FXYD3: variants seen among roughly 807,000 people sequenced by gnomAD.
The protein encoded by FXYD3 is FXYD domain containing ion transport regulator 3, also known as FXYD domain-containing ion transport regulator 3.
A neutral mutation model predicts 19.2 loss-of-function variants in FXYD3; 13 were observed. The ratio of observed to expected loss-of-function variants is 0.68; its 90% CI spans 0.44 to 1.08. The LOEUF is 1.08. Among genes scored for constraint, FXYD3 ranks in the 50% least tolerant of loss-of-function variants. The probability of loss-of-function intolerance (pLI) is 0.00; values close to 1 mark genes in which losing one functional copy is unlikely to be tolerated. For missense variants in FXYD3, 101 were observed against 109.4 expected (o/e 0.92, Z 0.34); for synonymous variants, 48 against 38.9 (o/e 1.23, Z -0.87).
intron 5 of FXYD3, 83 bp downstream of exon 5, chr19:35,121,328 G>C: frequency 6.2e-7 from 1 of 1,614,104 alleles, no homozygotes; most frequent in South Asian, 1.1e-5. Context: ...GTTGGGGCCT[G>C]ACGTGAGCAT....
At chr19:35,121,142 C>A in intron 4 of FXYD3, 32 bp downstream of exon 4, 1 of 1,614,028 alleles carries the variant, frequency 6.2e-7, no homozygotes, top group Non-Finnish European at 8.5e-7. Flanking sequence ...CCCGTCACAC[C>A]CCCAAATTCT....
At chr19:35,123,142 C>T in intron 7 of FXYD3, 129 bp from the exon 8 acceptor site, 1 of 1,485,414 alleles carries the variant, frequency 6.7e-7, no homozygotes, top group Non-Finnish European at 8.9e-7. Flanking sequence ...GCTTTGGCCC[C>T]TGGGATTGCA....
rs548063756 is a variant in FXYD3, at chr19:35,124,080, T to C, written c.*623T>C. On this transcript the variant is annotated 3_prime_UTR_variant, in exon 9 of 9. Coordinates refer to ENST00000604404, the MANE Select transcript of FXYD3 (RefSeq NM_005971.4). ...ATCTTTCCAAATACCCAAATGTCCC[T>C]GCAAGCCCGTTAAATAATTCCCTAT... 6.4e-6 allele frequency: 1 copy of C among 155,070 alleles called. No homozygotes were observed. Among genetic ancestry groups the C allele is most frequent in the African/African-American group, 2.4e-5 (1 of 41,556 alleles). 9.6% of individuals were successfully genotyped at this position (155,070 alleles called of 1,614,324 possible).
intron 3 of FXYD3, 137 bp from the exon 4 acceptor site, chr19:35,120,941 A>G: frequency 1.3e-6 from 1 of 796,480 alleles, no homozygotes; most frequent in South Asian, 1.7e-5. Context: ...TGAGGGGATG[A>G]GGTGGCTGCT....
chr19:35,120,637 A>G (rs1487526536), intron 3 of FXYD3, among the ~76,000 whole-genome samples: 4 of 152,224 alleles, frequency 2.6e-5, no homozygotes, highest in Admixed American at 6.5e-5. Flanking sequence ...GTCATTTTCA[A>G]TGATGTGCAA....
intron 5 of FXYD3, chr19:35,121,653 G>C: frequency 1.6e-6 from 1 of 641,180 alleles, no homozygotes; most frequent in Non-Finnish European, 2.2e-6. Flanking sequence ...CATTCCTTCT[G>C]CTCCAAGCCT....
intron 8 of FXYD3, 34 bp downstream of exon 8, chr19:35,123,342 C>T (rs745427386): frequency 1.3e-5 from 21 of 1,605,510 alleles, no homozygotes; most frequent in African/African-American, 5.4e-5. Context: ...CAGGGGAACA[C>T]GGAAGTGGTG....
In FXYD3 at chr19:35,119,403, T is replaced by C. The variant is rs779383283; in HGVS notation, c.27T>C (p.Leu9=). The C allele has an allele frequency of 1.2e-6, 2 of 1,614,086 alleles. No individual in the cohort carries two copies. The highest frequency in any genetic ancestry group is 4.5e-5 in the East Asian group (2 of 44,880). The change falls in exon 3 of 9, where the codon CTT becomes CTC. Residue 9 remains leucine (L), a synonymous_variant. Transcript: ENST00000604404. MQKVTLGL[L]VFLAGFPVLD... ...TGCAGAAGGTGACCCTGGGCCTGCT[T>C]GTGTTCCTGGCAGGTGAGTACCCAT...
At chr19:35,118,459 T>G in intron 2 of FXYD3, 4 of 988,520 alleles carry the variant, frequency 4.0e-6, no homozygotes, top group Non-Finnish European at 4.8e-6. Flanking sequence ...AGGCCAGGGC[T>G]TGGTGCAGCC....
chr19:35,121,033 A>C (rs764576490), intron 3 of FXYD3, 45 bp from the exon 4 acceptor site: 3 of 1,610,396 alleles, frequency 1.9e-6, no homozygotes, highest in Admixed American at 3.3e-5. Context: ...GGCTTGGCTG[A>C]GGCCGGCATC....
At chr19:35,119,136 C>T (rs531609919) in intron 2 of FXYD3, 3 of 1,483,916 alleles carry the variant, frequency 2.0e-6, no homozygotes, top group Non-Finnish European at 2.8e-6. Flanking sequence ...AAGTCCATGT[C>T]CAGTGAGTTA....
intron 7 of FXYD3, 109 bp from the exon 8 acceptor site, chr19:35,123,162 A>G: frequency 6.7e-7 from 1 of 1,503,312 alleles, no homozygotes; most frequent in Non-Finnish European, 8.9e-7. Flanking sequence ...ACAACCCCCC[A>G]AATGGAAAGG....
intron 4 of FXYD3, 51 bp from the exon 5 acceptor site, chr19:35,121,171 C>T (rs1191264939): frequency 1.2e-6 from 2 of 1,614,024 alleles, no homozygotes; most frequent in African/African-American, 2.7e-5. Context: ...TGGGGAAGGC[C>T]TGCATCCTGG....
chr19:35,119,653 GGC>G (rs2064991917), intron 3 of FXYD3: 55 of 40,102 alleles, frequency 1.4e-3, no homozygotes, highest in Admixed American at 6.8e-3. Flanking sequence ...CTTTTTTTTT[GGC>G]TTTTTTTGTT....
chr19:35,117,589 G>A (rs1477858371), intron 2 of FXYD3, among the ~76,000 whole-genome samples: 1 of 151,648 alleles, frequency 6.6e-6, no homozygotes, highest in African/African-American at 2.4e-5. Flanking sequence ...TATGGTCATG[G>A]GTGACAGCTT....
chr19:35,119,837 A>G (rs1198753764), intron 3 of FXYD3: 1 of 181,068 alleles, frequency 5.5e-6, no homozygotes, highest in Non-Finnish European at 1.1e-5. Flanking sequence ...TGCCCAGTGC[A>G]TTTTTGATTT....
chr19:35,121,103 C>T lies in FXYD3; in HGVS notation c.66C>T (p.Asp22=). The change falls in exon 4 of 9, where the codon GAC becomes GAT. Residue 22 remains aspartate, a synonymous_variant. Coordinates refer to ENST00000604404, the MANE Select transcript of FXYD3 (RefSeq NM_005971.4). Reference sequence around the variant, plus strand: ...GCTTTCCTGTCCTGGACGCCAATGACCTAGAAGGTGAGTCAGACTGGACTC... The same window carrying T: ...GCTTTCCTGTCCTGGACGCCAATGATCTAGAAGGTGAGTCAGACTGGACTC... ...LAGFPVLDAN[D]LEDKNSPFYY... is the part of the protein sequence containing the mutation. The T allele has an allele frequency of 6.2e-7, 1 of 1,613,396 alleles. No homozygotes were observed. Among genetic ancestry groups the T allele is most frequent in the Non-Finnish European group, 8.5e-7 (1 of 1,180,042 alleles).
At position 35,122,830 on chromosome 19, in the gene FXYD3, A is replaced by G; in HGVS notation, c.163A>G (p.Ile55Val). ...AGVLCAMGII[I>V]VMSAKCKCKF... ...GGTTCTGTGCGCCATGGGCATCATCATCGTCATGAGTGAGTGGAGGAGCTC... is the reference window on the plus strand; with the variant it reads ...GGTTCTGTGCGCCATGGGCATCATCGTCGTCATGAGTGAGTGGAGGAGCTC... The change falls in exon 6 of 9, where the codon ATC (isoleucine) becomes GTC (valine). Residue 55 changes from isoleucine (I) to valine (V), a missense_variant. Transcript: ENST00000604404. 1 of 1,614,044 alleles carries G rather than the reference A, an allele frequency of 6.2e-7. No homozygotes were observed. The highest frequency in any genetic ancestry group is 1.3e-5 in the African/African-American group (1 of 75,036).
chr19:35,121,658 A>C, intron 5 of FXYD3: 1 of 607,214 alleles, frequency 1.6e-6, no homozygotes, highest in Non-Finnish European at 2.3e-6. Flanking sequence ...CTTCTGCTCC[A>C]AGCCTCTCAG....
Sources: allele counts gnomAD v4.1 joint callset (sites outside exome capture counted in the v4.1 genomes callset), GRCh38; gene constraint gnomAD v4.1.1; transcripts MANE v1.5; gene names NCBI Gene and HGNC (gene_info 2026-07-23, HGNC 2026-07-21).